Variants in ACAD11 observed in about 807,000 individuals in gnomAD.
ACAD11 encodes acyl-Coenzyme A dehydrogenase family, member 11.
In ACAD11, 83 loss-of-function variants were observed where a neutral mutation model predicts 102.2. That is an observed-to-expected ratio of 0.81 (90% confidence interval 0.68 to 0.97). The LOEUF (loss-of-function observed/expected upper bound fraction) is 0.97. Ranked by LOEUF, ACAD11 falls within the 50% of genes least tolerant of loss-of-function variation. The pLI is 0.00. For missense variants in ACAD11, 901 were observed against 951.7 expected (o/e 0.95, Z 0.70); for synonymous variants, 324 against 319.8 (o/e 1.01, Z -0.14).
intron 13 of ACAD11, among the ~76,000 whole-genome samples, chr3:132,583,672 C>T (rs963469035): frequency 3.4e-4 from 52 of 152,042 alleles, no homozygotes; most frequent in Non-Finnish European, 6.3e-4. Context: ...TTCCTGCTTT[C>T]TCTTGTGGGC....
intron 1 of ACAD11, chr3:132,649,839 A>G (rs1477344519): frequency 3.3e-5 from 5 of 152,248 alleles, no homozygotes; most frequent in African/African-American, 9.6e-5. Context: ...ATGATGAAGG[A>G]TAACAACCAG....
At chr3:132,623,497 T>C (rs1939682902) in intron 9 of ACAD11, among the ~76,000 whole-genome samples, 1 of 149,834 alleles carries the variant, frequency 6.7e-6, no homozygotes, top group South Asian at 2.1e-4. Context: ...TTTTTATAGA[T>C]GTTGGTACAG....
chr3:132,580,218 A>G (rs1022873057), intron 13 of ACAD11, among the ~76,000 whole-genome samples: 1 of 152,076 alleles, frequency 6.6e-6, no homozygotes, highest in Non-Finnish European at 1.5e-5. Flanking sequence ...TTTCTGATTT[A>G]TTATAAAAAG....
At chr3:132,645,727 A>C (rs1391496438) in intron 1 of ACAD11, 1 of 152,230 alleles carries the variant, frequency 6.6e-6, no homozygotes, top group African/African-American at 2.4e-5. Flanking sequence ...ATCAGGAAAA[A>C]ACAAGCATGA....
chr3:132,616,787 TAGA>T (rs1939423536), intron 11 of ACAD11, among the ~76,000 whole-genome samples: 1 of 152,228 alleles, frequency 6.6e-6, no homozygotes, highest in East Asian at 1.9e-4. Flanking sequence ...ATGAAATCTT[TAGA>T]AGCTCTGTGA....
At chr3:132,596,841 T>C (rs1463765436) in intron 13 of ACAD11, among the ~76,000 whole-genome samples, 1 of 152,234 alleles carries the variant, frequency 6.6e-6, no homozygotes, top group Admixed American at 6.5e-5. Flanking sequence ...AAATACCTAA[T>C]GATTACTTAT....
At chr3:132,631,035 T>C (rs1576605870) in intron 6 of ACAD11, among the ~76,000 whole-genome samples, 1 of 152,114 alleles carries the variant, frequency 6.6e-6, no homozygotes, top group South Asian at 2.1e-4. Context: ...TGTGGCACTG[T>C]ACTCCAGCCC....
chr3:132,630,570 G>C lies in ACAD11; in HGVS notation c.842-12C>G. On this transcript the variant is annotated splice_polypyrimidine_tract_variant and intron_variant, in intron 6 of 19. Transcript: ENST00000264990. The stretch of plus-strand genomic sequence containing the variant: ...CATTGATGGTATCCCTATAAAAACA[G>C]CATGTAATATAAACTTTAATTAAAA... 2 of 1,593,288 alleles carry C rather than the reference G, an allele frequency of 1.3e-6. No homozygotes were observed. The highest frequency in any genetic ancestry group is 1.7e-6 in the Non-Finnish European group (2 of 1,170,512).
intron 5 of ACAD11, among the ~76,000 whole-genome samples, chr3:132,633,525 C>A (rs1265348828): frequency 6.6e-6 from 1 of 151,596 alleles, no homozygotes; most frequent in Non-Finnish European, 1.5e-5. Flanking sequence ...GGATATTGGT[C>A]TAAAATTCTC....
At chr3:132,643,038 C>T (rs1940584395) in intron 2 of ACAD11, among the ~76,000 whole-genome samples, 1 of 152,156 alleles carries the variant, frequency 6.6e-6, no homozygotes, top group Non-Finnish European at 1.5e-5. Flanking sequence ...AGATGAGCAC[C>T]TGCATGAGAC....
intron 5 of ACAD11, among the ~76,000 whole-genome samples, chr3:132,632,431 A>T (rs1363027209): frequency 6.6e-6 from 1 of 152,194 alleles, no homozygotes; most frequent in Non-Finnish European, 1.5e-5. Context: ...ATGGCCAAAA[A>T]ATCAATTTGT....
rs1182559661 is a variant in ACAD11 at position 132,558,535 on chromosome 3, T to C, written c.*436A>G. 1 of 154,702 alleles carries C rather than the reference T, an allele frequency of 6.5e-6. No homozygotes were observed. The highest frequency in any genetic ancestry group is 1.4e-5 in the Non-Finnish European group (1 of 69,944). The allele number at this position is 154,702 out of a possible 1,614,324, so 9.6% of individuals were successfully genotyped here. A position where few individuals can be genotyped will look rare whatever the true frequency, so the allele number is the denominator to read the frequency against. On this transcript the variant is annotated 3_prime_UTR_variant, in exon 20 of 20. Transcript: ENST00000264990. ...TTTTTATTTTTAGAAACAGTCTCACTCGGTCACCCAGGCTGGAGGCCATGT... is the reference window on the plus strand; with the variant it reads ...TTTTTATTTTTAGAAACAGTCTCACCCGGTCACCCAGGCTGGAGGCCATGT...
chr3:132,588,295 G>T (rs967459679), intron 13 of ACAD11, among the ~76,000 whole-genome samples: 4 of 152,082 alleles, frequency 2.6e-5, no homozygotes, highest in African/African-American at 9.7e-5. Context: ...TACTCCACCA[G>T]ACTAGCGTAG....
At chr3:132,656,903 GCAT>G (rs1419726700) in intron 1 of ACAD11, among the ~76,000 whole-genome samples, 1 of 151,354 alleles carries the variant, frequency 6.6e-6, no homozygotes, top group African/African-American at 2.4e-5. Flanking sequence ...ATAAAGTTGA[GCAT>G]CATCAAGTTT....
At chr3:132,649,670 C>T (rs1041930786) in intron 1 of ACAD11, 6 of 152,184 alleles carry the variant, frequency 3.9e-5, no homozygotes, top group African/African-American at 7.2e-5. Flanking sequence ...GTATGCTGAG[C>T]GCCGGTCCCC....
chr3:132,595,662 G>A (rs1463334348), intron 13 of ACAD11, among the ~76,000 whole-genome samples: 2 of 152,012 alleles, frequency 1.3e-5, no homozygotes, highest in Non-Finnish European at 2.9e-5. Context: ...CTCAAAAGAA[G>A]ACATACATAC....
At chr3:132,591,003 G>GT (rs560096974) in intron 13 of ACAD11, among the ~76,000 whole-genome samples, 32 of 152,168 alleles carry the variant, frequency 2.1e-4, no homozygotes, top group Non-Finnish European at 2.4e-4. Flanking sequence ...AAGCTCTTAA[G>GT]TTTAATTAGA....
intron 13 of ACAD11, among the ~76,000 whole-genome samples, chr3:132,587,823 T>C (rs1937906489): frequency 6.6e-6 from 1 of 152,136 alleles, no homozygotes. Context: ...TTCAGCGTAG[T>C]TCTTATTATT....
intron 1 of ACAD11, among the ~76,000 whole-genome samples, chr3:132,648,244 A>AC (rs1185088712): frequency 1.3e-5 from 2 of 152,164 alleles, no homozygotes; most frequent in African/African-American, 2.4e-5. Context: ...CCAGATACTT[A>AC]AACAGTTCAT....
Sources: allele counts gnomAD v4.1 joint callset (sites outside exome capture counted in the v4.1 genomes callset), GRCh38; gene constraint gnomAD v4.1.1; transcripts MANE v1.5; gene names NCBI Gene and HGNC (gene_info 2026-07-23, HGNC 2026-07-21).